MAGI2: variants seen among roughly 807,000 people sequenced by gnomAD.
MAGI2 encodes membrane-associated guanylate kinase, WW and PDZ domain-containing protein 2.
Under a neutral mutation model 133.3 loss-of-function variants are expected in MAGI2, and 35 were observed. That is an observed-to-expected ratio of 0.26 (90% CI 0.20 to 0.35). The LOEUF (loss-of-function observed/expected upper bound fraction) is 0.35. Among genes scored for constraint, MAGI2 ranks in the 10% least tolerant of loss-of-function variants. The pLI is 1.00. For missense variants in MAGI2, 1,636 were observed against 1,863.4 expected (o/e 0.88, Z 2.25); for synonymous variants, 729 against 710.6 (o/e 1.03, Z -0.41).
At chr7:79,270,358 G>A (rs1834789531) in intron 1 of MAGI2, among the ~76,000 whole-genome samples, 1 of 145,706 alleles carries the variant, frequency 6.9e-6, no homozygotes, top group African/African-American at 2.5e-5. Context: ...CGTAGTGGGC[G>A]GGACGAAACT....
intron 2 of MAGI2, among the ~76,000 whole-genome samples, chr7:78,914,160 C>A (rs796688854): frequency 6.6e-6 from 1 of 152,168 alleles, no homozygotes; most frequent in African/African-American, 2.4e-5. Flanking sequence ...TTCAAATGAA[C>A]TGTAAACTTT....
chr7:79,002,575 T>C (rs973236920), intron 2 of MAGI2, among the ~76,000 whole-genome samples: 6 of 151,950 alleles, frequency 3.9e-5, no homozygotes, highest in South Asian at 4.1e-4. Context: ...AATAGTACGA[T>C]AGTAGGATAG....
At chr7:78,792,765 A>G (rs1787283271) in intron 2 of MAGI2, among the ~76,000 whole-genome samples, 1 of 152,256 alleles carries the variant, frequency 6.6e-6, no homozygotes, top group Admixed American at 6.5e-5. Context: ...TGAAAGAGCA[A>G]TAAAAAATAC....
At chr7:78,181,622 T>G (rs1827197109) in intron 13 of MAGI2, among the ~76,000 whole-genome samples, 1 of 152,208 alleles carries the variant, frequency 6.6e-6, no homozygotes, top group African/African-American at 2.4e-5. Context: ...CCTCAGGCAT[T>G]ATGGAACAAA....
intron 1 of MAGI2, among the ~76,000 whole-genome samples, chr7:79,030,690 T>A (rs894730356): frequency 6.6e-6 from 1 of 152,190 alleles, no homozygotes; most frequent in African/African-American, 2.4e-5. Context: ...TATCATGGTA[T>A]ATCCTTCTCA....
intron 2 of MAGI2, among the ~76,000 whole-genome samples, chr7:78,766,129 A>C (rs1352531135): frequency 6.6e-6 from 1 of 152,204 alleles, no homozygotes; most frequent in East Asian, 1.9e-4. Flanking sequence ...TCTCTGCTAC[A>C]GACCAGAGAA....
At chr7:79,159,459 G>A in intron 1 of MAGI2, among the ~76,000 whole-genome samples, 1 of 151,278 alleles carries the variant, frequency 6.6e-6, no homozygotes, top group Non-Finnish European at 1.5e-5. Context: ...AGAGGTTGCG[G>A]GTGAGCTGAG....
At chr7:78,069,268 A>G (rs1293126634) in intron 21 of MAGI2, among the ~76,000 whole-genome samples, 1 of 152,158 alleles carries the variant, frequency 6.6e-6, no homozygotes, top group African/African-American at 2.4e-5. Context: ...TGGCCTTTAC[A>G]ATAGAGCTAG....
rs139608714 is a variant in MAGI2, at chr7:78,679,736, C to T, written c.419-52497G>A. Among the ~76,000 whole-genome samples the T allele has an allele frequency of 1.8e-3, 272 of 152,158 alleles. 2 individuals carry two copies. The highest frequency in any genetic ancestry group is 6.1e-3 in the African/African-American group (254 of 41,548). ...CCTGCAGCAGTGTGAAATAATGTCA[C>T]GGAACCATTAACATCTAGGAGGCAA... is the stretch of plus-strand genomic sequence containing the variant. On this transcript the variant is annotated intron_variant, in intron 2 of 21. Transcript: ENST00000354212.
chr7:78,110,325 C>T (rs553756380), intron 20 of MAGI2, among the ~76,000 whole-genome samples: 1 of 152,260 alleles, frequency 6.6e-6, no homozygotes, highest in South Asian at 2.1e-4. Context: ...TGATACCATC[C>T]TAAAGACCAG....
chr7:78,979,702 C>T (rs767581702), intron 2 of MAGI2, among the ~76,000 whole-genome samples: 5 of 151,152 alleles, frequency 3.3e-5, no homozygotes, highest in Non-Finnish European at 5.9e-5. Context: ...CTCATCTGAC[C>T]AGTGTTGGGT....
intron 1 of MAGI2, among the ~76,000 whole-genome samples, chr7:79,379,575 C>G (rs1440538170): frequency 6.6e-6 from 1 of 151,946 alleles, no homozygotes; most frequent in Non-Finnish European, 1.5e-5. Context: ...TATAGTCCCA[C>G]CAACAGTGTA....
In MAGI2 at chr7:78,981,696, G is replaced by A. The variant is rs143770145; in HGVS notation, c.418+25394C>T. Among the ~76,000 whole-genome samples the A allele has an allele frequency of 2.1e-3, 325 of 151,810 alleles. 1 individual carries two copies. The highest frequency in any genetic ancestry group is 0.014 in the Middle Eastern group (4 of 292). On this transcript the variant is annotated intron_variant, in intron 2 of 21. Transcript: ENST00000354212. ...TAAAGAAAATTTTTCTTTTTCCCAT[G>A]TGGGAGCCCATGGCACCCTGGATCA...
chr7:78,422,842 T>C (rs1241779768), intron 6 of MAGI2, among the ~76,000 whole-genome samples: 4 of 152,216 alleles, frequency 2.6e-5, no homozygotes, highest in South Asian at 4.1e-4. Context: ...TTTCTGATAG[T>C]ATTGTTCCAG....
At chr7:78,126,367 T>C (rs1031624381) in intron 19 of MAGI2, among the ~76,000 whole-genome samples, 1 of 152,226 alleles carries the variant, frequency 6.6e-6, no homozygotes, top group Admixed American at 6.5e-5. Flanking sequence ...ATGTCCAAGA[T>C]TCTCTGATCT....
intron 3 of MAGI2, among the ~76,000 whole-genome samples, chr7:78,563,710 G>A (rs1800644595): frequency 6.6e-6 from 1 of 152,202 alleles, no homozygotes; most frequent in Non-Finnish European, 1.5e-5. Context: ...ATGCCCATGT[G>A]CTTTTCCATA....
chr7:79,286,716 T>C (rs1026250584), intron 1 of MAGI2, among the ~76,000 whole-genome samples: 3 of 152,008 alleles, frequency 2.0e-5, no homozygotes, highest in African/African-American at 7.2e-5. Context: ...ACAGACTCTG[T>C]CCCTAGGAAA....
intron 10 of MAGI2, among the ~76,000 whole-genome samples, chr7:78,249,559 C>T (rs923618917): frequency 6.6e-6 from 1 of 152,060 alleles, no homozygotes; most frequent in African/African-American, 2.4e-5. Flanking sequence ...TCATTTGCAA[C>T]AACATGAATA....
At chr7:78,474,194 G>A (rs770832325) in intron 6 of MAGI2, among the ~76,000 whole-genome samples, 8 of 151,898 alleles carry the variant, frequency 5.3e-5, no homozygotes, top group East Asian at 3.9e-4. Context: ...AAATTATCAC[G>A]TATATCTCTA....
Sources: allele counts gnomAD v4.1 joint callset (sites outside exome capture counted in the v4.1 genomes callset), GRCh38; gene constraint gnomAD v4.1.1; transcripts MANE v1.5; gene names NCBI Gene and HGNC (gene_info 2026-07-23, HGNC 2026-07-21).